DOCK10: variants seen among roughly 807,000 people sequenced by gnomAD.
DOCK10 encodes the protein dedicator of cytokinesis 10.
DOCK10 carries 145 observed loss-of-function variants against 280.1 expected under a neutral mutation model. That is an observed-to-expected ratio of 0.52 (90% CI 0.45 to 0.59). The LOEUF (loss-of-function observed/expected upper bound fraction) is 0.59, where lower values mean the gene tolerates loss of function less well. Ranked by LOEUF, DOCK10 falls within the 20% of genes least tolerant of loss-of-function variation. The pLI is 0.00. For synonymous variants in DOCK10, 915 were observed against 942.2 expected (o/e 0.97, Z 0.53); for missense variants, 2,368 against 2,651.7 (o/e 0.89, Z 2.35).
intron 1 of DOCK10, among the ~76,000 whole-genome samples, chr2:224,943,456 C>T (rs1402412293): frequency 6.6e-6 from 1 of 152,098 alleles, no homozygotes; most frequent in African/African-American, 2.4e-5. Flanking sequence ...TTTGAGATTA[C>T]TGTAAAATTA....
intron 1 of DOCK10, among the ~76,000 whole-genome samples, chr2:224,996,571 A>G (rs567216158): frequency 5.1e-4 from 77 of 152,374 alleles, no homozygotes; most frequent in African/African-American, 1.8e-3. Flanking sequence ...GACTATTCAC[A>G]GACAGAATGG....
chr2:224,861,069 C>G (rs1311525253), intron 14 of DOCK10: 2 of 152,144 alleles, frequency 1.3e-5, no homozygotes, highest in Non-Finnish European at 2.9e-5. Flanking sequence ...ACTGAGAATG[C>G]TTAACAATAC....
At chr2:224,882,691 T>C (rs1699045735) in intron 7 of DOCK10, among the ~76,000 whole-genome samples, 1 of 152,196 alleles carries the variant, frequency 6.6e-6, no homozygotes. Flanking sequence ...GTTCCTCTTT[T>C]TTGTTTGATT....
At chr2:224,821,128 G>GA (rs1243152685) in intron 28 of DOCK10, among the ~76,000 whole-genome samples, 3 of 152,172 alleles carry the variant, frequency 2.0e-5, no homozygotes, top group African/African-American at 4.8e-5. Flanking sequence ...CATAATTGCT[G>GA]AAAAAATATT....
At chr2:224,865,113 T>G in intron 11 of DOCK10, 26 bp from the exon 12 acceptor site, 1 of 1,600,510 alleles carries the variant, frequency 6.2e-7, no homozygotes, top group Non-Finnish European at 8.5e-7. Context: ...AGAACAGATG[T>G]TTTTGATATA....
rs2125552415 is a variant in DOCK10 at position 224,853,081 on chromosome 2, T to C, written c.1930A>G (p.Met644Val). ...SSFIPVKPFN[M>V]MAQTEPTVEV... The stretch of plus-strand genomic sequence containing the variant: ...ACTGTGGGTTCTGTTTGAGCCATCA[T>C]GTTGAAAGGCTTGACAGGGATAAAG... The change falls in exon 17 of 56, where the codon ATG (methionine) becomes GTG (valine). Residue 644 changes from methionine (M) to valine (V), a missense_variant. Around this residue, in one of 2 missense-constraint regions of DOCK10, gnomAD observed 1,209 missense variants for 1,250.9 expected, o/e 0.97. Transcript: ENST00000258390. 2 of 1,608,806 alleles carry C rather than the reference T, an allele frequency of 1.2e-6. No individual in the cohort carries two copies. The highest frequency in any genetic ancestry group is 1.3e-5 in the African/African-American group (1 of 74,976).
chr2:224,866,469 C>A lies in DOCK10; in HGVS notation c.1258-1382G>T, dbSNP rs191707540. On this transcript the variant is annotated intron_variant, in intron 11 of 55. Transcript: ENST00000258390. ...CTGGTTTTCTCCATTATAAAGGTCA[C>A]CATTTTCCCTTTGGCAATTGATTTG... Among the ~76,000 whole-genome samples the A allele has an allele frequency of 6.0e-3, 919 of 152,254 alleles. 15 individuals carry two copies. The highest frequency in any genetic ancestry group is 5.6e-3 in the South Asian group (27 of 4,828).
At chr2:224,932,323 A>C (rs1702432142) in intron 1 of DOCK10, among the ~76,000 whole-genome samples, 1 of 152,196 alleles carries the variant, frequency 6.6e-6, no homozygotes, top group African/African-American at 2.4e-5. Context: ...TCCTGAAGCC[A>C]AGAGGGAATG....
At chr2:224,849,254 G>C (rs947992118) in intron 19 of DOCK10, among the ~76,000 whole-genome samples, 1 of 152,200 alleles carries the variant, frequency 6.6e-6, no homozygotes, top group African/African-American at 2.4e-5. Context: ...GATTACAGGC[G>C]TGAGCCACTA....
Position 224,797,816 on chromosome 2 carries a change from A to C in DOCK10, c.4644+16T>G, listed in dbSNP as rs1310368330. On this transcript the variant is annotated intron_variant, in intron 42 of 55. Transcript: ENST00000258390. The stretch of plus-strand genomic sequence containing the variant: ...GTCATCCTACCTAAACTTCATTGAA[A>C]CCTGGAGATCCTTACCTTGCATACA... 1 of 1,608,468 alleles carries C rather than the reference A, an allele frequency of 6.2e-7. No homozygotes were observed. Among genetic ancestry groups the C allele is most frequent in the Non-Finnish European group, 8.5e-7 (1 of 1,177,470 alleles).
intron 7 of DOCK10, among the ~76,000 whole-genome samples, chr2:224,882,420 G>GT (rs887743168): frequency 9.9e-5 from 15 of 151,786 alleles, no homozygotes; most frequent in East Asian, 3.9e-4. Context: ...TTTGTTTTGT[G>GT]TTTTTTTTGG....
intron 1 of DOCK10, among the ~76,000 whole-genome samples, chr2:225,011,395 G>A (rs1207718296): frequency 6.6e-6 from 1 of 152,118 alleles, no homozygotes; most frequent in Admixed American, 6.5e-5. Context: ...AGAGAAAAGA[G>A]GTTGCAAGAT....
intron 26 of DOCK10, 23 bp from the exon 27 acceptor site, chr2:224,830,635 G>A (rs766375250): frequency 1.0e-5 from 15 of 1,455,134 alleles, no homozygotes; most frequent in Admixed American, 2.0e-5. Flanking sequence ...AAAAGGCAAC[G>A]AGACATTTAT....
chr2:224,923,310 GGT>G lies in DOCK10; in HGVS notation c.244-6528_244-6527del, dbSNP rs370724323. On this transcript the variant is annotated intron_variant, in intron 2 of 55. Coordinates refer to ENST00000258390, the MANE Select transcript of DOCK10 (RefSeq NM_014689.3). ...TAGAATCCTATAAGAAGAACTTCAA[GGT>G]GTTTTACTCTTGGATTGACAAACTA... 9.9e-5 allele frequency among the ~76,000 whole-genome samples: 15 copies of G among 152,232 alleles called. No individual in the cohort carries two copies. The East Asian group carries it at 2.7e-3, about 27-fold the overall frequency.
intron 1 of DOCK10, among the ~76,000 whole-genome samples, chr2:224,935,183 C>G (rs1270961816): frequency 1.3e-5 from 2 of 152,202 alleles, no homozygotes; most frequent in Non-Finnish European, 2.9e-5. Flanking sequence ...TTGTAATAGT[C>G]TGGGCTACCC....
chr2:225,037,695 C>T (rs1406204699), intron 1 of DOCK10, among the ~76,000 whole-genome samples: 3 of 152,194 alleles, frequency 2.0e-5, no homozygotes, highest in Non-Finnish European at 4.4e-5. Flanking sequence ...CCAGGCACAT[C>T]GTACATTCTT....
chr2:224,845,127 G>T (rs1696249989), intron 21 of DOCK10, 76 bp downstream of exon 21: 2 of 1,410,542 alleles, frequency 1.4e-6, no homozygotes, highest in African/African-American at 1.4e-5. Flanking sequence ...ATCTTAAGTA[G>T]CAGAGAAAGA....
In DOCK10 at chr2:224,916,719, C is replaced by T. The variant is rs760214174; in HGVS notation, c.309G>A (p.Lys103=). Residue 103 remains lysine, a synonymous_variant, in exon 3 of 56, where the codon AAG becomes AAA. Transcript: ENST00000258390. The part of the protein sequence containing the change: ...YSTVPEDAEH[K]AENLLVKEAC... Reference sequence around the variant, plus strand: ...CCTCCTTAACCAGTAAATTTTCTGCCTTGTGCTCTGCATCTTCAGGTACTG... The same window carrying T: ...CCTCCTTAACCAGTAAATTTTCTGCTTTGTGCTCTGCATCTTCAGGTACTG... 1 of 1,610,784 alleles carries T rather than the reference C, an allele frequency of 6.2e-7. No individual in the cohort carries two copies. The highest frequency in any genetic ancestry group is 1.1e-5 in the South Asian group (1 of 90,190).
chr2:224,805,006 C>G lies in DOCK10; in HGVS notation c.4118+52G>C. On this transcript the variant is annotated intron_variant, in intron 37 of 55. Transcript: ENST00000258390. This position sits in a 1 kb window ranked among gnomAD's most constrained non-coding sequence, Gnocchi z 4.3. The stretch of plus-strand genomic sequence containing the variant: ...TTGAAATGAAACATGGTATAGTGGA[C>G]TATTTAGAAATTTCCAGAAAAAAGT... The G allele has an allele frequency of 2.7e-6, 4 of 1,477,568 alleles. No individual in the cohort carries two copies. The highest frequency in any genetic ancestry group is 1.3e-5 in the South Asian group (1 of 78,572). The allele number at this position is 1,477,568 out of a possible 1,614,324, so 91.5% of individuals were successfully genotyped here.
Sources: allele counts gnomAD v4.1 joint callset (sites outside exome capture counted in the v4.1 genomes callset), GRCh38; gene constraint gnomAD v4.1.1; regional missense constraint gnomAD v4.1.1; non-coding constraint Gnocchi (gnomAD v3.1); transcripts MANE v1.5; gene names NCBI Gene and HGNC (gene_info 2026-07-23, HGNC 2026-07-21).